The following EFNA1 variants were observed in gnomAD, a reference collection of about 807,000 sequenced individuals.
EFNA1 encodes ephrin-A1.
A neutral mutation model predicts 23.2 loss-of-function variants in EFNA1; 8 were observed. The observed-to-expected ratio is 0.34, with a 90% confidence interval of 0.20 to 0.62. EFNA1 has a LOEUF of 0.62. EFNA1 is among the 20% of genes least tolerant of loss of function. The probability of loss-of-function intolerance (pLI) is 0.75; values close to 1 mark genes in which losing one functional copy is unlikely to be tolerated. For missense variants in EFNA1, 217 were observed against 260.0 expected, an observed-to-expected ratio of 0.83 and a Z score of 1.14; for synonymous variants, 89 against 98.6, an observed-to-expected ratio of 0.90 and a Z score of 0.58.
intron 1 of EFNA1, 26 bp downstream of exon 1, chr1:155,128,095 G>T: frequency 6.2e-7 from 1 of 1,606,222 alleles, no homozygotes; most frequent in Non-Finnish European, 8.5e-7. Flanking sequence ...CCCGCTGGCA[G>T]CCTGGGCTCC....
rs1664324446 is a variant in EFNA1 at position 155,134,288 on chromosome 1, G to A, written c.*221G>A. On this transcript the variant is annotated 3_prime_UTR_variant, in exon 5 of 5. Transcript: ENST00000368407. ...GTGCCATCCCCACCTTCACCTCGGAGGGATGGAGAAAGAAGTGGAGACAGT... is the reference window on the plus strand; with the variant it reads ...GTGCCATCCCCACCTTCACCTCGGAAGGATGGAGAAAGAAGTGGAGACAGT... 1.7e-6 allele frequency: 1 copy of A among 580,372 alleles called. No homozygotes were observed. Among genetic ancestry groups the A allele is most frequent in the African/African-American group, 1.9e-5 (1 of 53,402 alleles). 36.0% of individuals were successfully genotyped at this position (580,372 alleles called of 1,614,324 possible). A position where few individuals can be genotyped will look rare whatever the true frequency, so the allele number is the denominator to read the frequency against.
chr1:155,134,160 G>T lies in EFNA1; in HGVS notation c.*93G>T. The T allele has an allele frequency of 4.7e-6, 6 of 1,282,500 alleles. No homozygotes were observed. Among genetic ancestry groups the T allele is most frequent in the Non-Finnish European group, 6.6e-6 (6 of 908,312 alleles). 79.4% of individuals were successfully genotyped at this position (1,282,500 alleles called of 1,614,324 possible). On this transcript the variant is annotated 3_prime_UTR_variant, in exon 5 of 5. Transcript: ENST00000368407. ...CTTGGGGCCACTTTCAGAGCCCCCA[G>T]CCCTGGGAACCACTCCCACCACAGG...
rs543404162 is a variant in EFNA1, at chr1:155,128,406, C to G, written c.92+337C>G. ...GCCCTTGTTCCAGGCCCCCCACCCCCCCACTGTGAAAGCCTCCACGCCTCT... is the reference window on the plus strand; with the variant it reads ...GCCCTTGTTCCAGGCCCCCCACCCCGCCACTGTGAAAGCCTCCACGCCTCT... On this transcript the variant is annotated intron_variant, in intron 1 of 4. Coordinates refer to ENST00000368407, the MANE Select transcript of EFNA1 (RefSeq NM_004428.3). Among the ~76,000 whole-genome samples, 186 of 152,264 alleles carry G rather than the reference C, an allele frequency of 1.2e-3. 3 individuals carry two copies. Among genetic ancestry groups the G allele is most frequent in the Non-Finnish European group, 1.9e-3 (129 of 67,998 alleles).
At chr1:155,133,220 T>G (rs1664276813) in intron 2 of EFNA1, among the ~76,000 whole-genome samples, 1 of 152,050 alleles carries the variant, frequency 6.6e-6, no homozygotes, top group African/African-American at 2.4e-5. Flanking sequence ...AGGAGTAGTA[T>G]TAAGTGGCCC....
intron 1 of EFNA1, chr1:155,130,621 G>T: frequency 1.0e-6 from 1 of 985,342 alleles, no homozygotes; most frequent in Non-Finnish European, 1.2e-6. Context: ...GTTTTGGGGT[G>T]CTCTGAGAAG....
chr1:155,131,145 T>C (rs1056631651), intron 1 of EFNA1, 194 bp from the exon 2 acceptor site: 20 of 1,373,876 alleles, frequency 1.5e-5, no homozygotes, highest in Non-Finnish European at 1.8e-5. Context: ...ACAGTGATGG[T>C]GCAGGGGAAT....
chr1:155,131,542 A>G lies in EFNA1; in HGVS notation c.296A>G (p.His99Arg). 1.2e-6 allele frequency: 2 copies of G among 1,613,918 alleles called. No individual in the cohort carries two copies. Among genetic ancestry groups the G allele is most frequent in the Admixed American group, 1.7e-5 (1 of 59,974 alleles). ...CAGTGCAACCGGCCCAGTGCCAAGC[A>G]TGGCCCGGAGAAGCTGTCTGAGAAG... ...RWQCNRPSAK[H>R]GPEKLSEKFQ... Residue 99 changes from histidine to arginine, a missense_variant, in exon 2 of 5, where the codon CAT becomes CGT. Coordinates refer to ENST00000368407, the MANE Select transcript of EFNA1 (RefSeq NM_004428.3).
In EFNA1 at chr1:155,134,176, C is replaced by A; in HGVS notation, c.*109C>A. On this transcript the variant is annotated 3_prime_UTR_variant, in exon 5 of 5. Coordinates refer to ENST00000368407, the MANE Select transcript of EFNA1 (RefSeq NM_004428.3). ...GAGCCCCCAGCCCTGGGAACCACTCCCACCACAGGCATAAGCTATCACCTA... is the reference window on the plus strand; with the variant it reads ...GAGCCCCCAGCCCTGGGAACCACTCACACCACAGGCATAAGCTATCACCTA... 1 of 1,049,932 alleles carries A rather than the reference C, an allele frequency of 9.5e-7. No individual in the cohort carries two copies. Among genetic ancestry groups the A allele is most frequent in the Non-Finnish European group, 1.4e-6 (1 of 702,432 alleles). The allele number at this position is 1,049,932 out of a possible 1,614,324, so 65.0% of individuals were successfully genotyped here. A position where few individuals can be genotyped will look rare whatever the true frequency, so the allele number is the denominator to read the frequency against.
At chr1:155,130,492 G>GA (rs1283382896) in intron 1 of EFNA1, 1 of 981,868 alleles carries the variant, frequency 1.0e-6, no homozygotes, top group Non-Finnish European at 1.2e-6. Context: ...GAGGGGGAGA[G>GA]GAGGAGAGAG....
At chr1:155,133,844 C>T in intron 4 of EFNA1, 64 bp downstream of exon 4, 2 of 1,603,752 alleles carry the variant, frequency 1.2e-6, no homozygotes, top group Non-Finnish European at 1.7e-6. Flanking sequence ...AGGTTGGGTA[C>T]AGGAGGTGGC....
At chr1:155,128,146 C>A in intron 1 of EFNA1, 77 bp downstream of exon 1, 1 of 1,339,340 alleles carries the variant, frequency 7.5e-7, no homozygotes, top group South Asian at 1.2e-5. Context: ...CCCGGCCAAA[C>A]CCTGAGCTGA....
chr1:155,132,780 G>A (rs993694208), intron 2 of EFNA1, among the ~76,000 whole-genome samples: 10 of 151,308 alleles, frequency 6.6e-5, no homozygotes, highest in African/African-American at 1.7e-4. Flanking sequence ...ACAGTGAGCC[G>A]AGATCACACC....
At chr1:155,129,706 G>A (rs567126590) in intron 1 of EFNA1, 2 of 152,438 alleles carry the variant, frequency 1.3e-5, no homozygotes, top group African/African-American at 4.8e-5. Context: ...GCAGCCCTGG[G>A]ATCTCCAGGC....
chr1:155,132,937 GT>G (rs1014528518), intron 2 of EFNA1, among the ~76,000 whole-genome samples: 1 of 151,874 alleles, frequency 6.6e-6, no homozygotes, highest in African/African-American at 2.4e-5. Context: ...CTGAGACAGA[GT>G]CTCGCTCTGT....
At chr1:155,133,630 T>C in intron 3 of EFNA1, 62 bp downstream of exon 3, 1 of 1,609,982 alleles carries the variant, frequency 6.2e-7, no homozygotes, top group Non-Finnish European at 8.5e-7. Context: ...GGTCTAGTGA[T>C]CTAGGATGGT....
At chr1:155,130,492 G>GGAGGAGAGAGGGGAGA (rs1664212272) in intron 1 of EFNA1, 1 of 981,752 alleles carries the variant, frequency 1.0e-6, no homozygotes, top group Non-Finnish European at 1.2e-6. Flanking sequence ...GAGGGGGAGA[G>GGAGGAGAGAGGGGAGA]GAGGAGAGAG....
At chr1:155,128,118 C>A in intron 1 of EFNA1, 49 bp downstream of exon 1, 1 of 1,525,274 alleles carries the variant, frequency 6.6e-7, no homozygotes, top group Non-Finnish European at 9.1e-7. Flanking sequence ...GCTGGCACTA[C>A]CCCACCGGGA....
intron 1 of EFNA1, chr1:155,130,825 G>A (rs1664225842): frequency 1.0e-6 from 1 of 985,240 alleles, no homozygotes; most frequent in African/African-American, 1.7e-5. Flanking sequence ...GGAAATGTGA[G>A]AGGAGTAAGG....
chr1:155,128,059 T>C lies in EFNA1; in HGVS notation c.82T>C (p.Ser28Pro). Residue 28 changes from serine (S) to proline (P), a missense_variant, in exon 1 of 5, where the codon TCA (serine) becomes CCA (proline). By Grantham distance (74) the Ser-to-Pro change is moderately conservative. Transcript: ENST00000368407. ...ADRHTVFWNS[S>P]NPKFRNEDYT... ...TCGCCACACCGTCTTCTGGAACAGTTCAAATCCCAAGTAAGCCTCGAGACT... is the reference window on the plus strand; with the variant it reads ...TCGCCACACCGTCTTCTGGAACAGTCCAAATCCCAAGTAAGCCTCGAGACT... 1 of 1,613,628 alleles carries C rather than the reference T, an allele frequency of 6.2e-7. No individual in the cohort carries two copies. The highest frequency in any genetic ancestry group is 8.5e-7 in the Non-Finnish European group (1 of 1,179,968).
Sources: gnomAD v4.1 joint callset for allele counts (sites outside exome capture counted in the v4.1 genomes callset) on GRCh38, gnomAD v4.1.1 for gene constraint, MANE v1.5 for transcripts, NCBI Gene and HGNC (gene_info 2026-07-23, HGNC 2026-07-21) for gene names.